The following BRINP1 variants were observed in gnomAD, a reference collection of about 807,000 sequenced individuals.
BRINP1 encodes BMP/retinoic acid inducible neural specific 1.
BRINP1 carries 17 observed loss-of-function variants against 72.9 expected under a neutral mutation model. The ratio of observed to expected loss-of-function variants is 0.23; its 90% confidence interval spans 0.16 to 0.35. The LOEUF (loss-of-function observed/expected upper bound fraction) is 0.35. Ranked by LOEUF, BRINP1 falls within the 10% of genes least tolerant of loss-of-function variation. The probability of loss-of-function intolerance (pLI) is 1.00; values close to 1 mark genes in which losing one functional copy is unlikely to be tolerated. For missense variants in BRINP1, 850 were observed against 1,001.6 expected (o/e 0.85, Z 2.04); for synonymous variants, 418 against 378.5 (o/e 1.10, Z -1.21).
chr9:119,299,202 T>C (rs1006899060), intron 2 of BRINP1, among the ~76,000 whole-genome samples: 15 of 152,194 alleles, frequency 9.9e-5, no homozygotes, highest in Non-Finnish European at 1.8e-4. Context: ...CTAACTGAAA[T>C]TTTGTATCCT....
At chr9:119,241,005 G>T (rs935349500) in intron 4 of BRINP1, among the ~76,000 whole-genome samples, 1 of 152,170 alleles carries the variant, frequency 6.6e-6, no homozygotes, top group Non-Finnish European at 1.5e-5. Flanking sequence ...ATTTTATGTC[G>T]AGGATGTCCT....
At chr9:119,169,625 C>G (rs1829375548) in intron 7 of BRINP1, among the ~76,000 whole-genome samples, 1 of 152,222 alleles carries the variant, frequency 6.6e-6, no homozygotes, top group African/African-American at 2.4e-5. Flanking sequence ...GGGTGGAGCC[C>G]ACCACAGCTC....
intron 5 of BRINP1, among the ~76,000 whole-genome samples, chr9:119,231,584 A>G (rs1830149165): frequency 1.3e-5 from 2 of 152,120 alleles, no homozygotes; most frequent in African/African-American, 4.8e-5. Context: ...TTTCACCCCC[A>G]GAATTCCATT....
rs138022593 is a variant in BRINP1 at position 119,242,176 on chromosome 9, G to C, written c.450C>G (p.Leu150=). ...ALTMYMDKSR[L]DRKSGNATQS... ...GAGTGGCATTCCCTGACTTCCTGTC[G>C]AGGCGACTTTTGTCCATATACATGG... Residue 150 remains leucine (L), a synonymous_variant, in exon 4 of 8, where the codon CTC becomes CTG. Coordinates refer to ENST00000265922, the MANE Select transcript of BRINP1 (RefSeq NM_014618.3). 7.4e-6 allele frequency: 12 copies of C among 1,613,972 alleles called. No homozygotes were observed. In the African/African-American group the frequency reaches 1.5e-4, roughly 20 times the overall value.
chr9:119,211,416 C>T (rs1293413930), intron 6 of BRINP1, among the ~76,000 whole-genome samples: 3 of 152,112 alleles, frequency 2.0e-5, no homozygotes, highest in African/African-American at 4.8e-5. Context: ...AGGCTGGTCT[C>T]GAACTCCTGA....
At chr9:119,227,554 C>T (rs1379705111) in intron 5 of BRINP1, among the ~76,000 whole-genome samples, 3 of 152,052 alleles carry the variant, frequency 2.0e-5, no homozygotes, top group Non-Finnish European at 4.4e-5. Flanking sequence ...AGGGCCTCAT[C>T]GGCAGAGCCA....
chr9:119,219,212 C>A (rs532265743), intron 5 of BRINP1, among the ~76,000 whole-genome samples: 3 of 152,224 alleles, frequency 2.0e-5, no homozygotes, highest in South Asian at 2.1e-4. Context: ...AAGACACTGT[C>A]ATAATTAAGT....
rs551031722 is a variant in BRINP1 at position 119,314,285 on chromosome 9, G to A, written c.-50-880C>T. 2.6e-5 allele frequency among the ~76,000 whole-genome samples: 4 copies of A among 152,296 alleles called. No individual in the cohort carries two copies. The South Asian group carries it at 8.3e-4, about 32-fold the overall frequency. On this transcript the variant is annotated intron_variant, in intron 1 of 7. Coordinates refer to ENST00000265922, the MANE Select transcript of BRINP1 (RefSeq NM_014618.3). ...ATGCTTAAGCCTAAGGGGTAGCTTT[G>A]GTAGAGAGGTACCTTGTGGAGAGGA...
intron 2 of BRINP1, among the ~76,000 whole-genome samples, chr9:119,255,826 G>C (rs935179919): frequency 3.3e-5 from 5 of 151,908 alleles, no homozygotes; most frequent in Non-Finnish European, 5.9e-5. Context: ...GTGGCAGCAT[G>C]CGCCTGTAGT....
At chr9:119,293,018 T>C (rs758318899) in intron 2 of BRINP1, among the ~76,000 whole-genome samples, 1 of 152,148 alleles carries the variant, frequency 6.6e-6, no homozygotes, top group Non-Finnish European at 1.5e-5. Context: ...ACTTTTTCTG[T>C]CTGAGTACAT....
rs540009987 is a variant in BRINP1 at position 119,329,931 on chromosome 9, T to C, written c.-50-16526A>G. 5.9e-5 allele frequency among the ~76,000 whole-genome samples: 9 copies of C among 152,308 alleles called. No individual in the cohort carries two copies. The South Asian group carries it at 1.9e-3, about 32-fold the overall frequency. ...TGAATCCACTAGCCAGTGATACCTATTTAATGTTCTACTTGGATGAGAAGT... is the reference window on the plus strand; with the variant it reads ...TGAATCCACTAGCCAGTGATACCTACTTAATGTTCTACTTGGATGAGAAGT... On this transcript the variant is annotated intron_variant, in intron 1 of 7. Coordinates refer to ENST00000265922, the MANE Select transcript of BRINP1 (RefSeq NM_014618.3).
At chr9:119,168,413 C>G (rs574692305) in intron 7 of BRINP1, among the ~76,000 whole-genome samples, 189 bp from the exon 8 acceptor site, 2 of 152,290 alleles carry the variant, frequency 1.3e-5, no homozygotes, top group Admixed American at 1.3e-4. Flanking sequence ...ATGCCACAAA[C>G]CAGCTGCATG....
intron 7 of BRINP1, among the ~76,000 whole-genome samples, chr9:119,177,339 A>AGC (rs1443395650): frequency 6.6e-6 from 1 of 152,138 alleles, no homozygotes; most frequent in Non-Finnish European, 1.5e-5. Context: ...AGCTGGAATA[A>AGC]TAATGAGCTA....
intron 2 of BRINP1, among the ~76,000 whole-genome samples, chr9:119,264,908 T>C (rs1409498596): frequency 6.6e-6 from 1 of 152,156 alleles, no homozygotes; most frequent in Non-Finnish European, 1.5e-5. Flanking sequence ...CCTGACCTAG[T>C]AATCTGCCTG....
intron 5 of BRINP1, among the ~76,000 whole-genome samples, chr9:119,230,207 G>A (rs1332951397): frequency 1.3e-5 from 2 of 152,082 alleles, no homozygotes; most frequent in African/African-American, 2.4e-5. Flanking sequence ...GCATGGATAT[G>A]GTATATGTTG....
intron 5 of BRINP1, among the ~76,000 whole-genome samples, chr9:119,221,267 C>A (rs1163452062): frequency 6.6e-6 from 1 of 152,040 alleles, no homozygotes; most frequent in Non-Finnish European, 1.5e-5. Context: ...GTGAGGAGAA[C>A]AACAGCAAGG....
chr9:119,289,051 C>T (rs547707756), intron 2 of BRINP1, among the ~76,000 whole-genome samples: 2 of 152,334 alleles, frequency 1.3e-5, no homozygotes, highest in African/African-American at 4.8e-5. Flanking sequence ...CCACCCGCCT[C>T]GGCCTCCCAA....
chr9:119,168,241 A>AATTGGAGAAGGTT lies in BRINP1; in HGVS notation c.1146-30_1146-18dup. 1.3e-6 allele frequency: 2 copies of AATTGGAGAAGGTT among 1,487,696 alleles called. No homozygotes were observed. Among genetic ancestry groups the AATTGGAGAAGGTT allele is most frequent in the Non-Finnish European group, 1.8e-6 (2 of 1,122,100 alleles). 92.2% of individuals were successfully genotyped at this position (1,487,696 alleles called of 1,614,324 possible). On this transcript the variant is annotated splice_polypyrimidine_tract_variant and intron_variant, in intron 7 of 7. Transcript: ENST00000265922. ...TGAATTGTCCTGGGAGATAAAGGAAAATTGGAGAAGGTTAGCTACCATGAG... is the reference window on the plus strand; with the variant it reads ...TGAATTGTCCTGGGAGATAAAGGAAAATTGGAGAAGGTTATTGGAGAAGGTTAGCTACCATGAG...
intron 1 of BRINP1, among the ~76,000 whole-genome samples, chr9:119,361,881 G>A (rs1055053792): frequency 2.1e-5 from 3 of 141,618 alleles, no homozygotes; most frequent in African/African-American, 8.0e-5. Context: ...TCAGCTCACT[G>A]CAACCTCTGC....
Sources: gnomAD v4.1 joint callset for allele counts (sites outside exome capture counted in the v4.1 genomes callset) on GRCh38, gnomAD v4.1.1 for gene constraint, MANE v1.5 for transcripts, NCBI Gene and HGNC (gene_info 2026-07-23, HGNC 2026-07-21) for gene names.